CARS2: variants seen among roughly 807,000 people sequenced by gnomAD.
CARS2 encodes probable cysteine--tRNA ligase, mitochondrial.
CARS2 carries 52 observed loss-of-function variants against 68.8 expected under a neutral mutation model. The ratio of observed to expected loss-of-function variants is 0.76; its 90% CI spans 0.61 to 0.95. The LOEUF (loss-of-function observed/expected upper bound fraction) is 0.95. Ranked by LOEUF, CARS2 falls within the 40% of genes least tolerant of loss-of-function variation. The probability of loss-of-function intolerance (pLI) is 0.00; values close to 1 mark genes in which losing one functional copy is unlikely to be tolerated. For missense variants in CARS2, 780 were observed against 754.2 expected (o/e 1.03, Z -0.40); for synonymous variants, 314 against 303.6 (o/e 1.03, Z -0.36).
rs114840063 is a variant in CARS2 at position 110,645,943 on chromosome 13, A to G, written c.1317+24T>C. 1.8e-3 allele frequency: 2,878 copies of G among 1,608,166 alleles called. 47 individuals carry two copies. In the African/African-American group the frequency reaches 0.033, roughly 19 times the overall value. On this transcript the variant is annotated intron_variant, in intron 12 of 14. Coordinates refer to ENST00000257347, the MANE Select transcript of CARS2 (RefSeq NM_024537.4). The stretch of plus-strand genomic sequence containing the variant: ...CCCATGCCCCTGGCAGCAGGACCGC[A>G]AGGCCACCTGTTCGTTGAGCTACCT...
intron 12 of CARS2, chr13:110,645,232 C>A: frequency 6.6e-6 from 1 of 152,540 alleles, no homozygotes; most frequent in Non-Finnish European, 1.5e-5. Context: ...CGAAGGCACC[C>A]GGCAAGGGCA....
intron 2 of CARS2, among the ~76,000 whole-genome samples, chr13:110,703,502 TTAAGA>T (rs2063852625): frequency 6.6e-6 from 1 of 152,212 alleles, no homozygotes; most frequent in Admixed American, 6.5e-5. Context: ...AGCTGCGCAC[TTAAGA>T]TGTGTATTCT....
intron 9 of CARS2, chr13:110,663,106 G>A (rs2062553065): frequency 4.0e-6 from 2 of 495,588 alleles, no homozygotes; most frequent in South Asian, 1.5e-5. Context: ...CCAGTAAGAG[G>A]TGGTGGGTGA....
intron 9 of CARS2, among the ~76,000 whole-genome samples, chr13:110,654,349 G>A (rs146025185): frequency 6.6e-5 from 10 of 152,276 alleles, no homozygotes; most frequent in South Asian, 6.2e-4. Context: ...GAAAGCATTG[G>A]GTTTTCACCC....
chr13:110,695,138 T>C (rs757572430), intron 3 of CARS2, among the ~76,000 whole-genome samples: 1 of 151,886 alleles, frequency 6.6e-6, no homozygotes, highest in East Asian at 1.9e-4. Flanking sequence ...AAAAATTAAC[T>C]GGGCATGGTG....
rs762353799 is a variant in CARS2, at chr13:110,663,449, A to G, written c.987+2T>C. On this transcript the variant is annotated splice_donor_variant, in intron 9 of 14. Coordinates refer to ENST00000257347, the MANE Select transcript of CARS2 (RefSeq NM_024537.4). LOFTEE classifies it high-confidence loss of function. Reference sequence around the variant, plus strand: ...AGAGATACAATACAAAAAGCACGTTACCTTAATAGTAATGTAGTTCTTTAA... The same window carrying G: ...AGAGATACAATACAAAAAGCACGTTGCCTTAATAGTAATGTAGTTCTTTAA... 3.7e-6 allele frequency: 6 copies of G among 1,612,520 alleles called. No homozygotes were observed. The highest frequency in any genetic ancestry group is 5.1e-6 in the Non-Finnish European group (6 of 1,179,422).
In CARS2 at chr13:110,705,311, C is replaced by T. The variant is rs987682467; in HGVS notation, c.275+210G>A. 2.0e-5 allele frequency among the ~76,000 whole-genome samples: 3 copies of T among 152,218 alleles called. No individual in the cohort carries two copies. Among genetic ancestry groups the T allele is most frequent in the African/African-American group, 7.2e-5 (3 of 41,444 alleles). ...GGGTCATTTTTCAGTGCTCCATTGT[C>T]TCCCTGAGTTTCCTCACCTGTAAAA... On this transcript the variant is annotated intron_variant, in intron 2 of 14. Transcript: ENST00000257347. The surrounding 1 kb of genome is among the most constrained non-coding windows in gnomAD (Gnocchi z 4.0).
chr13:110,641,730 CAGGCGCTT>C, intron 14 of CARS2, 122 bp from the exon 15 acceptor site: 1 of 809,510 alleles, frequency 1.2e-6, no homozygotes, highest in Non-Finnish European at 2.1e-6. Context: ...AAAAGCTTGC[CAGGCGCTT>C]AGAAAGGGCC....
At chr13:110,679,406 T>C (rs1220729366) in intron 6 of CARS2, among the ~76,000 whole-genome samples, 1 of 151,576 alleles carries the variant, frequency 6.6e-6, no homozygotes, top group Non-Finnish European at 1.5e-5. Flanking sequence ...GGCAGGTGCC[T>C]GTAATCCCAG....
chr13:110,663,934 T>C, intron 8 of CARS2: 1 of 996,216 alleles, frequency 1.0e-6, no homozygotes, highest in Non-Finnish European at 1.2e-6. Flanking sequence ...GTGAAGCTTG[T>C]TGACCGTTGT....
chr13:110,698,487 T>A (rs955399930), intron 3 of CARS2, among the ~76,000 whole-genome samples: 1 of 151,264 alleles, frequency 6.6e-6, no homozygotes, highest in Non-Finnish European at 1.5e-5. Flanking sequence ...ACCATTGCAC[T>A]CCAGCCTGTG....
chr13:110,641,857 C>T (rs572683419), intron 14 of CARS2, among the ~76,000 whole-genome samples: 11 of 152,290 alleles, frequency 7.2e-5, no homozygotes, highest in African/African-American at 2.4e-4. Flanking sequence ...CCAACTTGGC[C>T]CCTCCCTCAC....
At chr13:110,696,340 C>G (rs545922750) in intron 3 of CARS2, among the ~76,000 whole-genome samples, 1 of 152,184 alleles carries the variant, frequency 6.6e-6, no homozygotes, top group Admixed American at 6.5e-5. Context: ...CTTGAGGAAT[C>G]GCAACACTGT....
At chr13:110,679,301 G>A (rs769563401) in intron 6 of CARS2, among the ~76,000 whole-genome samples, 17 of 151,824 alleles carry the variant, frequency 1.1e-4, no homozygotes, top group Admixed American at 2.0e-4. Context: ...AGGCCGAGGC[G>A]GGCGGATCAC....
intron 6 of CARS2, among the ~76,000 whole-genome samples, chr13:110,682,705 A>G (rs1164392123): frequency 6.6e-6 from 1 of 152,208 alleles, no homozygotes. Flanking sequence ...AATTAAATGT[A>G]CGGTAACACA....
rs1413976742 is a variant in CARS2, at chr13:110,676,087, G to A, written c.785+887C>T. Among the ~76,000 whole-genome samples the A allele has an allele frequency of 6.6e-6, 1 of 152,260 alleles. No homozygotes were observed. The highest frequency in any genetic ancestry group is 1.5e-5 in the Non-Finnish European group (1 of 68,048). ...GAGAATCGCTTGAACCTGGGAGGCG[G>A]AGGTTGCGGTGAGCCGAGATCGCAC... On this transcript the variant is annotated intron_variant, in intron 7 of 14. Transcript: ENST00000257347. The surrounding 1 kb of genome is among the most constrained non-coding windows in gnomAD (Gnocchi z 4.0).
chr13:110,701,351 A>G, intron 3 of CARS2, 87 bp downstream of exon 3: 1 of 723,038 alleles, frequency 1.4e-6, no homozygotes, highest in Non-Finnish European at 2.5e-6. Flanking sequence ...GGCGTAAGCT[A>G]CCACGCCCGG....
upstream of CARS2, chr13:110,707,506 G>A (rs558638977): frequency 6.6e-6 from 1 of 152,248 alleles, no homozygotes; most frequent in South Asian, 2.1e-4. Flanking sequence ...AATTAGCCGG[G>A]CGTGGTGGCG....
intron 3 of CARS2, 98 bp downstream of exon 3, chr13:110,701,331 TGGGATTACA>T: frequency 1.5e-6 from 1 of 656,128 alleles, no homozygotes; most frequent in East Asian, 2.6e-5. Flanking sequence ...CCCAAAGTGC[TGGGATTACA>T]GGCGTAAGCT....
Sources: gnomAD v4.1 joint callset for allele counts (sites outside exome capture counted in the v4.1 genomes callset) on GRCh38, gnomAD v4.1.1 for gene constraint, Gnocchi (gnomAD v3.1) non-coding constraint, MANE v1.5 for transcripts, NCBI Gene and HGNC (gene_info 2026-07-23, HGNC 2026-07-21) for gene names.